CLASP2: variants seen among roughly 807,000 people sequenced by gnomAD.
CLASP2 encodes cytoplasmic linker associated protein 2.
A neutral mutation model predicts 194.4 loss-of-function variants in CLASP2; 47 were observed. The ratio of observed to expected loss-of-function variants is 0.24; its 90% CI spans 0.19 to 0.31. The LOEUF (loss-of-function observed/expected upper bound fraction) is 0.31, where lower values mean the gene tolerates loss of function less well. Ranked by LOEUF, CLASP2 falls within the 10% of genes least tolerant of loss-of-function variation. CLASP2 has a pLI of 1.00. For synonymous variants in CLASP2, 619 were observed against 633.5 expected (o/e 0.98, Z 0.34); for missense variants, 1,445 against 1,823.6 (o/e 0.79, Z 3.78).
chr3:33,572,663 C>T (rs1230522029), intron 25 of CLASP2, among the ~76,000 whole-genome samples: 1 of 152,084 alleles, frequency 6.6e-6, no homozygotes, highest in African/African-American at 2.4e-5. Flanking sequence ...TTCAGTCCAA[C>T]TCAACTTTGT....
intron 11 of CLASP2, among the ~76,000 whole-genome samples, chr3:33,621,868 T>G (rs1459977089): frequency 6.6e-6 from 1 of 152,178 alleles, no homozygotes; most frequent in Non-Finnish European, 1.5e-5. Flanking sequence ...CATTTTCATC[T>G]TATACTTGAA....
chr3:33,633,153 T>C (rs1234556477), intron 8 of CLASP2, among the ~76,000 whole-genome samples: 1 of 152,086 alleles, frequency 6.6e-6, no homozygotes. Flanking sequence ...CAGTTTGCAG[T>C]TTTTCTAACA....
chr3:33,604,317 T>C, intron 16 of CLASP2, 108 bp from the exon 17 acceptor site: 1 of 776,412 alleles, frequency 1.3e-6, no homozygotes, highest in South Asian at 1.7e-5. Flanking sequence ...GTATTTCTTT[T>C]TTCTTTTTTT....
chr3:33,556,716 C>T (rs1453308031), intron 29 of CLASP2, among the ~76,000 whole-genome samples: 1 of 152,034 alleles, frequency 6.6e-6, no homozygotes, highest in East Asian at 1.9e-4. Flanking sequence ...GGATCACAGG[C>T]GTGAGCCACC....
intron 12 of CLASP2, among the ~76,000 whole-genome samples, chr3:33,617,951 A>ATTTT: frequency 8.6e-6 from 1 of 116,524 alleles, no homozygotes; most frequent in Non-Finnish European, 1.9e-5. Context: ...ATATATATAT[A>ATTTT]TTTTTTTTTT....
chr3:33,540,150 G>A (rs1040247888), intron 32 of CLASP2, among the ~76,000 whole-genome samples: 13 of 151,134 alleles, frequency 8.6e-5, no homozygotes, highest in African/African-American at 2.7e-4. Flanking sequence ...GGCTGGTCTC[G>A]AACTCCTGAC....
intron 6 of CLASP2, among the ~76,000 whole-genome samples, chr3:33,678,694 A>T (rs2089277167): frequency 6.6e-6 from 1 of 152,212 alleles, no homozygotes. Flanking sequence ...AGATCTACAT[A>T]AAGGTATAAA....
chr3:33,607,603 T>C (rs1397766219), intron 14 of CLASP2, 142 bp from the exon 15 acceptor site: 5 of 520,520 alleles, frequency 9.6e-6, no homozygotes, highest in Non-Finnish European at 1.7e-5. Context: ...ATAATAAATC[T>C]AAGACCATAA....
chr3:33,647,906 G>A (rs1240827871), intron 7 of CLASP2, among the ~76,000 whole-genome samples: 4 of 151,978 alleles, frequency 2.6e-5, no homozygotes, highest in East Asian at 1.9e-4. Context: ...GGTGGTGGGC[G>A]CCTGTAGCCC....
intron 21 of CLASP2, 75 bp from the exon 22 acceptor site, chr3:33,584,995 A>G: frequency 7.6e-7 from 1 of 1,311,670 alleles, no homozygotes; most frequent in South Asian, 1.5e-5. Flanking sequence ...AAAATTCAAG[A>G]AATATTGATA....
Position 33,540,906 on chromosome 3 carries a change from G to C in CLASP2, c.3405-1964C>G, listed in dbSNP as rs982731058. On this transcript the variant is annotated intron_variant, in intron 32 of 38. Coordinates refer to ENST00000682230, the MANE Select transcript of CLASP2 (RefSeq NM_001365631.1). ...TCCTGCCTCATCCTCCTGAGTAGCT[G>C]GAACTACCGGCATGCACCACCACAC... Among the ~76,000 whole-genome samples, 6 of 151,768 alleles carry C rather than the reference G, an allele frequency of 4.0e-5. No individual in the cohort carries two copies. The South Asian group carries it at 8.3e-4, about 21-fold the overall frequency.
chr3:33,503,127 C>A (rs182764530), intron 37 of CLASP2: 1 of 152,126 alleles, frequency 6.6e-6, no homozygotes, highest in Non-Finnish European at 1.5e-5. Context: ...CAAAAAGACA[C>A]GCACTGTCCC....
chr3:33,533,356 CTG>C (rs1325709356), intron 34 of CLASP2, among the ~76,000 whole-genome samples: 2 of 152,202 alleles, frequency 1.3e-5, no homozygotes, highest in African/African-American at 2.4e-5. Flanking sequence ...GTTTGGTAAA[CTG>C]TCATAATTTT....
intron 24 of CLASP2, 94 bp from the exon 25 acceptor site, chr3:33,573,448 T>C (rs1439373543): frequency 4.7e-6 from 6 of 1,268,126 alleles, no homozygotes; most frequent in Non-Finnish European, 6.7e-6. Context: ...ATTTTTGTTT[T>C]AAAATCAGTG....
intron 7 of CLASP2, chr3:33,659,140 T>C (rs1259967889): frequency 1.4e-6 from 2 of 1,410,148 alleles, no homozygotes; most frequent in East Asian, 2.6e-5. Context: ...TGCACCGCAA[T>C]AGCCAACAGC....
chr3:33,665,995 G>A (rs983874753), intron 6 of CLASP2, among the ~76,000 whole-genome samples: 6 of 152,142 alleles, frequency 3.9e-5, no homozygotes, highest in Non-Finnish European at 5.9e-5. Flanking sequence ...CAAAGCTCTA[G>A]GAAGGTTCTG....
At chr3:33,679,634 G>A (rs2089451153) in intron 6 of CLASP2, among the ~76,000 whole-genome samples, 1 of 152,074 alleles carries the variant, frequency 6.6e-6, no homozygotes, top group Non-Finnish European at 1.5e-5. Flanking sequence ...CATACAAAAA[G>A]GTACTCCAAA....
At chr3:33,716,937 C>A (rs1413525724) in intron 1 of CLASP2, among the ~76,000 whole-genome samples, 1 of 152,200 alleles carries the variant, frequency 6.6e-6, no homozygotes, top group African/African-American at 2.4e-5. Context: ...TGGGAAGCTG[C>A]AGTCAGCATT....
intron 16 of CLASP2, 60 bp downstream of exon 16, chr3:33,606,531 T>C: frequency 7.3e-7 from 1 of 1,376,804 alleles, no homozygotes; most frequent in Non-Finnish European, 1.0e-6. Flanking sequence ...ATCCAACTTA[T>C]GAAACTTCAG....
Sources: allele counts gnomAD v4.1 joint callset (sites outside exome capture counted in the v4.1 genomes callset), GRCh38; gene constraint gnomAD v4.1.1; transcripts MANE v1.5; gene names NCBI Gene and HGNC (gene_info 2026-07-23, HGNC 2026-07-21).